Variants in NCALD observed in about 807,000 individuals in gnomAD.
The protein encoded by NCALD is neurocalcin-delta.
A neutral mutation model predicts 18.6 loss-of-function variants in NCALD; 10 were observed. The ratio of observed to expected loss-of-function variants is 0.54; its 90% CI spans 0.33 to 0.91. The LOEUF is 0.91. Ranked by LOEUF, NCALD falls within the 40% of genes least tolerant of loss-of-function variation. The pLI, the probability that NCALD is intolerant of heterozygous loss-of-function variation, is 0.03. For synonymous variants in NCALD, 88 were observed against 87.4 expected (o/e 1.01, Z -0.04); for missense variants, 184 against 247.6 (o/e 0.74, Z 1.72).
intron 2 of NCALD, among the ~76,000 whole-genome samples, chr8:102,010,832 C>T (rs1363737677): frequency 6.6e-6 from 1 of 152,132 alleles, no homozygotes; most frequent in Non-Finnish European, 1.5e-5. Flanking sequence ...GGTGTTTATA[C>T]CACATAAGAT....
chr8:102,073,217 C>T (rs1483587984), intron 1 of NCALD, among the ~76,000 whole-genome samples: 3 of 152,150 alleles, frequency 2.0e-5, no homozygotes, highest in Non-Finnish European at 2.9e-5. Context: ...AGGAGAATTG[C>T]TTGAAGCCGG....
At chr8:102,121,761 G>A (rs540634495) in intron 1 of NCALD, among the ~76,000 whole-genome samples, 5 of 152,244 alleles carry the variant, frequency 3.3e-5, no homozygotes, top group Admixed American at 6.5e-5. Flanking sequence ...GACACACCTC[G>A]AGGGCAAGGA....
At chr8:101,887,949 G>C (rs1816732329) in intron 3 of NCALD, among the ~76,000 whole-genome samples, 1 of 152,142 alleles carries the variant, frequency 6.6e-6, no homozygotes, top group East Asian at 1.9e-4. Context: ...CCCTCAGGCT[G>C]CTCCCCTCCT....
chr8:101,735,581 G>GT (rs1817040932), intron 1 of NCALD, among the ~76,000 whole-genome samples: 2 of 152,138 alleles, frequency 1.3e-5, no homozygotes, highest in African/African-American at 4.8e-5. Context: ...ACTTTTTTAA[G>GT]TATGTCCCAA....
intron 3 of NCALD, among the ~76,000 whole-genome samples, chr8:101,898,566 C>T (rs1450624641): frequency 6.6e-6 from 1 of 152,024 alleles, no homozygotes; most frequent in East Asian, 1.9e-4. Context: ...CTGTTGATAT[C>T]ATGTTTAGGA....
intron 1 of NCALD, among the ~76,000 whole-genome samples, chr8:101,783,683 C>T (rs910885162): frequency 5.9e-5 from 9 of 152,164 alleles, no homozygotes; most frequent in Admixed American, 1.3e-4. Flanking sequence ...GTACTGCCAT[C>T]CACACTGCAC....
intron 1 of NCALD, among the ~76,000 whole-genome samples, chr8:102,089,398 G>GA (rs575186551): frequency 0.11 from 13,336 of 124,630 alleles, 1,588 homozygotes; most frequent in African/African-American, 0.31. Context: ...AGTCTCAAAG[G>GA]AAAAAAAAAA....
At chr8:101,940,937 T>C (rs1818933502) in intron 2 of NCALD, among the ~76,000 whole-genome samples, 1 of 152,192 alleles carries the variant, frequency 6.6e-6, no homozygotes, top group Non-Finnish European at 1.5e-5. Flanking sequence ...AAAATAATTT[T>C]AAGATAAAAT....
chr8:101,901,099 ATC>A (rs1273125864), intron 3 of NCALD, among the ~76,000 whole-genome samples: 1 of 151,938 alleles, frequency 6.6e-6, no homozygotes, highest in Non-Finnish European at 1.5e-5. Context: ...ATTATATAAT[ATC>A]TCTCTCTGTC....
intron 3 of NCALD, chr8:101,691,054 AG>A (rs1814706698): frequency 3.0e-6 from 3 of 985,464 alleles, no homozygotes; most frequent in Non-Finnish European, 3.6e-6. Flanking sequence ...CAAGAGCAAC[AG>A]GCAAGCTAAA....
At chr8:101,945,049 T>C (rs1819113768) in intron 2 of NCALD, among the ~76,000 whole-genome samples, 2 of 152,218 alleles carry the variant, frequency 1.3e-5, no homozygotes, top group African/African-American at 4.8e-5. Context: ...AATGTTCGTG[T>C]CCTACGTGAC....
chr8:101,800,899 A>G (rs949730323), intron 4 of NCALD, among the ~76,000 whole-genome samples: 1 of 38,864 alleles, frequency 2.6e-5, no homozygotes, highest in African/African-American at 1.4e-4. Context: ...GGGAGAGGGG[A>G]GGGGGAAAAA....
chr8:101,806,700 G>C (rs1813113871), intron 4 of NCALD, among the ~76,000 whole-genome samples: 1 of 152,046 alleles, frequency 6.6e-6, no homozygotes, highest in Non-Finnish European at 1.5e-5. Context: ...AAAATGAACA[G>C]AGACAGCCTC....
chr8:101,971,427 A>G (rs1445128688), intron 2 of NCALD, among the ~76,000 whole-genome samples: 1 of 152,022 alleles, frequency 6.6e-6, no homozygotes, highest in East Asian at 1.9e-4. Flanking sequence ...TCATGGGGGC[A>G]GTTTCCCCCA....
At chr8:101,803,123 GCTGA>G (rs1267768118) in intron 4 of NCALD, among the ~76,000 whole-genome samples, 1 of 152,096 alleles carries the variant, frequency 6.6e-6, no homozygotes, top group African/African-American at 2.4e-5. Context: ...TAAAAAACAG[GCTGA>G]CTCTTTGTTA....
intron 1 of NCALD, among the ~76,000 whole-genome samples, chr8:101,784,192 C>T (rs994207998): frequency 2.6e-5 from 4 of 152,138 alleles, no homozygotes; most frequent in African/African-American, 9.7e-5. Flanking sequence ...ACAGCTTGCT[C>T]ACTCACATGC....
chr8:101,909,553 T>G (rs1287600123), intron 3 of NCALD, among the ~76,000 whole-genome samples: 1 of 152,214 alleles, frequency 6.6e-6, no homozygotes, highest in Non-Finnish European at 1.5e-5. Context: ...ATTGCATAAA[T>G]TATCTCATAT....
chr8:101,784,168 C>T (rs1586494591), intron 1 of NCALD, among the ~76,000 whole-genome samples: 1 of 152,092 alleles, frequency 6.6e-6, no homozygotes, highest in East Asian at 1.9e-4. Flanking sequence ...GATGACCGGG[C>T]CTGGAGTCAT....
At chr8:102,114,863 G>C (rs894702654) in intron 1 of NCALD, among the ~76,000 whole-genome samples, 1 of 152,214 alleles carries the variant, frequency 6.6e-6, no homozygotes, top group African/African-American at 2.4e-5. Flanking sequence ...TACTGCCCTT[G>C]CCCTACAGAA....
Sources: gnomAD v4.1 joint callset for allele counts (sites outside exome capture counted in the v4.1 genomes callset) on GRCh38, gnomAD v4.1.1 for gene constraint, MANE v1.5 for transcripts, NCBI Gene and HGNC (gene_info 2026-07-23, HGNC 2026-07-21) for gene names.